Variants in SYNPR observed in about 807,000 individuals in gnomAD.
SYNPR encodes synaptoporin.
A neutral mutation model predicts 32.9 loss-of-function variants in SYNPR; 23 were observed. That is an observed-to-expected ratio of 0.70 (90% CI 0.50 to 0.99). SYNPR has a LOEUF of 0.99. SYNPR is among the 50% of genes least tolerant of loss of function. The pLI is 0.00. For missense variants in SYNPR, 318 were observed against 349.3 expected (o/e 0.91, Z 0.71); for synonymous variants, 146 against 135.9 (o/e 1.07, Z -0.52).
chr3:63,296,831 A>C (rs1176323195), intron 2 of SYNPR, among the ~76,000 whole-genome samples: 1 of 152,070 alleles, frequency 6.6e-6, no homozygotes, highest in Non-Finnish European at 1.5e-5. Context: ...GTGAGGTATG[A>C]CTCTATTTAT....
chr3:63,377,815 G>A (rs961659323), intron 2 of SYNPR, among the ~76,000 whole-genome samples: 1 of 151,882 alleles, frequency 6.6e-6, no homozygotes, highest in African/African-American at 2.4e-5. Context: ...AAGTATAATG[G>A]AAATTAGGAG....
At chr3:63,400,552 C>T (rs1281231452) in intron 2 of SYNPR, among the ~76,000 whole-genome samples, 4 of 152,238 alleles carry the variant, frequency 2.6e-5, no homozygotes, top group Non-Finnish European at 5.9e-5. Flanking sequence ...ATATTCTACA[C>T]AGCAAGAAAC....
intron 3 of SYNPR, among the ~76,000 whole-genome samples, chr3:63,536,944 G>C (rs1170041789): frequency 1.3e-5 from 2 of 152,098 alleles, no homozygotes; most frequent in African/African-American, 2.4e-5. Context: ...GCTGAGGGAT[G>C]AATGAATGGG....
intron 3 of SYNPR, among the ~76,000 whole-genome samples, chr3:63,489,176 C>T (rs1031655367): frequency 1.3e-5 from 2 of 152,090 alleles, no homozygotes; most frequent in Non-Finnish European, 2.9e-5. Context: ...GATTAATTGG[C>T]AAGATACCAC....
chr3:63,576,460 T>C (rs1702980663), intron 4 of SYNPR, among the ~76,000 whole-genome samples: 1 of 152,080 alleles, frequency 6.6e-6, no homozygotes, highest in African/African-American at 2.4e-5. Context: ...TTCTTAACAG[T>C]ATGTCAAGCC....
chr3:63,386,697 C>G (rs1018596050), intron 2 of SYNPR, among the ~76,000 whole-genome samples: 3 of 151,844 alleles, frequency 2.0e-5, no homozygotes, highest in Non-Finnish European at 4.4e-5. Context: ...AGCCTCAGTT[C>G]TGGGTGAATG....
chr3:63,467,127 G>A (rs1559507645), intron 2 of SYNPR, among the ~76,000 whole-genome samples: 1 of 152,018 alleles, frequency 6.6e-6, no homozygotes. Flanking sequence ...CCTCCCACCT[G>A]AGCCTCCCAA....
At chr3:63,469,782 T>C (rs1700761756) in intron 2 of SYNPR, among the ~76,000 whole-genome samples, 1 of 152,222 alleles carries the variant, frequency 6.6e-6, no homozygotes, top group Admixed American at 6.5e-5. Context: ...AAGAGAGATG[T>C]TGCCAAAATA....
chr3:63,443,001 C>T (rs1468104536), intron 2 of SYNPR: 1 of 990,162 alleles, frequency 1.0e-6, no homozygotes, highest in East Asian at 1.1e-4. Flanking sequence ...TTTTTAAGCA[C>T]TGTGCTTGCA....
intron 2 of SYNPR, chr3:63,443,451 T>C (rs1209057890): frequency 1.2e-6 from 2 of 1,607,736 alleles, no homozygotes; most frequent in Admixed American, 1.7e-5. Context: ...TGTAAATGTG[T>C]ATGGTGATAT....
At chr3:63,460,105 A>G (rs1422708204) in intron 2 of SYNPR, among the ~76,000 whole-genome samples, 2 of 152,098 alleles carry the variant, frequency 1.3e-5, no homozygotes, top group African/African-American at 4.8e-5. Flanking sequence ...CAGAGAGGTC[A>G]TTTCTGAATT....
intron 3 of SYNPR, among the ~76,000 whole-genome samples, chr3:63,270,671 T>C (rs2086526695): frequency 6.6e-6 from 1 of 152,192 alleles, no homozygotes; most frequent in African/African-American, 2.4e-5. Context: ...GAATGTGGGC[T>C]GGTAATTTAA....
intron 2 of SYNPR, among the ~76,000 whole-genome samples, chr3:63,341,166 C>G (rs13067696): frequency 0.16 from 24,517 of 152,172 alleles, 2,397 homozygotes; most frequent in South Asian, 0.27. Flanking sequence ...TGGCTTCTTT[C>G]ATTTGGCAAT....
intron 2 of SYNPR, among the ~76,000 whole-genome samples, chr3:63,381,360 C>G (rs1011417397): frequency 5.9e-5 from 9 of 152,102 alleles, no homozygotes; most frequent in Non-Finnish European, 1.2e-4. Flanking sequence ...TGTGAAGGAC[C>G]TCTTCAAGGA....
intron 2 of SYNPR, among the ~76,000 whole-genome samples, chr3:63,294,648 T>G (rs74402116): frequency 0.023 from 3,513 of 152,248 alleles, 155 homozygotes; most frequent in African/African-American, 0.078. Context: ...GAGGCTTTCT[T>G]TCTCTGAATT....
At chr3:63,544,550 G>T (rs1202156583) in intron 3 of SYNPR, among the ~76,000 whole-genome samples, 1 of 152,018 alleles carries the variant, frequency 6.6e-6, no homozygotes, top group Non-Finnish European at 1.5e-5. Context: ...CTGTTAAGTT[G>T]CCTACCCTGA....
In SYNPR at chr3:63,460,560, G is replaced by A. The variant is rs137940301; in HGVS notation, c.85-20272G>A. Among the ~76,000 whole-genome samples the A allele has an allele frequency of 2.1e-3, 271 of 126,534 alleles. 1 individual carries two copies. Among genetic ancestry groups the A allele is most frequent in the African/African-American group, 8.6e-3 (264 of 30,640 alleles). The allele number at this position is 126,534 out of a possible 152,430, so 83.0% of individuals were successfully genotyped here. ...CAGGCAAAGACAACAGCATAGGTGA[G>A]GATTGGTAGACCAAAAAAAAAAAAA... is the stretch of plus-strand genomic sequence containing the variant. On this transcript the variant is annotated intron_variant, in intron 2 of 5. Coordinates refer to ENST00000478300, the MANE Select transcript of SYNPR (RefSeq NM_001130003.2).
intron 2 of SYNPR, among the ~76,000 whole-genome samples, chr3:63,345,394 G>A (rs181686256): frequency 6.6e-6 from 1 of 152,328 alleles, no homozygotes; most frequent in Non-Finnish European, 1.5e-5. Context: ...TTCTCTGACC[G>A]TCATAATTTT....
At chr3:63,552,844 C>T (rs976883737) in intron 3 of SYNPR, among the ~76,000 whole-genome samples, 2 of 152,144 alleles carry the variant, frequency 1.3e-5, no homozygotes, top group East Asian at 3.9e-4. Context: ...GAACGAATTA[C>T]TTAATCTTTC....
Sources: gnomAD v4.1 joint callset for allele counts (sites outside exome capture counted in the v4.1 genomes callset) on GRCh38, gnomAD v4.1.1 for gene constraint, MANE v1.5 for transcripts, NCBI Gene and HGNC (gene_info 2026-07-23, HGNC 2026-07-21) for gene names.